The following STRN variants were observed in gnomAD, a reference collection of about 807,000 sequenced individuals.
The protein encoded by STRN is protein phosphatase 2 regulatory subunit B'''alpha.
A neutral mutation model predicts 96.3 loss-of-function variants in STRN; 53 were observed. The observed-to-expected ratio is 0.55, with a 90% CI of 0.44 to 0.69. The LOEUF is 0.69. Among genes scored for constraint, STRN ranks in the 30% least tolerant of loss-of-function variants. STRN has a pLI of 0.00. For missense variants in STRN, 987 were observed against 963.9 expected (o/e 1.02, Z -0.32); for synonymous variants, 428 against 355.9 (o/e 1.20, Z -2.28).
intron 1 of STRN, among the ~76,000 whole-genome samples, chr2:36,963,203 A>T (rs1194181588): frequency 2.0e-5 from 3 of 152,242 alleles, no homozygotes; most frequent in Non-Finnish European, 1.5e-5. Flanking sequence ...GGGAGGAAGC[A>T]GTAAAGGCAG....
At chr2:36,874,217 TCGCGC>T (rs1281570505) in intron 10 of STRN, among the ~76,000 whole-genome samples, 14 of 148,784 alleles carry the variant, frequency 9.4e-5, no homozygotes, top group Non-Finnish European at 2.1e-4. Flanking sequence ...TCAGCTAAGA[TCGCGC>T]CACTGCACTA....
intron 1 of STRN, among the ~76,000 whole-genome samples, chr2:36,957,782 T>G (rs1664932057): frequency 8.3e-6 from 1 of 120,574 alleles, no homozygotes; most frequent in African/African-American, 3.1e-5. Context: ...TGAGGTGGAG[T>G]CTCTGTTGCC....
At position 36,902,636 on chromosome 2, in the gene STRN, C is replaced by A. The variant is rs761231604; in HGVS notation, c.607G>T (p.Asp203Tyr). The A allele has an allele frequency of 4.3e-6, 7 of 1,611,974 alleles. No individual in the cohort carries two copies. The Admixed American group carries it at 1.0e-4, about 23-fold the overall frequency. ...GCCTCTGTGCCATTTACAACTGAGT[C>A]CTGATTTTTGTCATCTTCCCTGTCC... ...VTDREDDKNQ[D>Y]SVVNGTEAEV... Residue 203 changes from aspartate (D) to tyrosine (Y), a missense_variant, in exon 5 of 18, where the codon GAC becomes TAC. Physicochemically the swap from Asp to Tyr is radical, Grantham distance 160. Coordinates refer to ENST00000263918, the MANE Select transcript of STRN (RefSeq NM_003162.4).
chr2:36,924,624 T>C (rs1185369778), intron 2 of STRN, among the ~76,000 whole-genome samples: 1 of 152,220 alleles, frequency 6.6e-6, no homozygotes, highest in Non-Finnish European at 1.5e-5. Flanking sequence ...TTTTTGATCA[T>C]TATTAAACTA....
intron 1 of STRN, among the ~76,000 whole-genome samples, chr2:36,955,911 C>G (rs564097275): frequency 1.3e-5 from 2 of 152,220 alleles, no homozygotes; most frequent in African/African-American, 4.8e-5. Context: ...CCTATACACA[C>G]AGTTTAAACG....
intron 6 of STRN, among the ~76,000 whole-genome samples, chr2:36,897,804 C>G (rs1387130408): frequency 6.6e-6 from 1 of 152,078 alleles, no homozygotes; most frequent in African/African-American, 2.4e-5. Flanking sequence ...TTCCTGGGCT[C>G]AAGCGATCCT....
intron 1 of STRN, among the ~76,000 whole-genome samples, chr2:36,945,294 C>T (rs148861376): frequency 2.0e-5 from 3 of 152,206 alleles, no homozygotes; most frequent in South Asian, 2.1e-4. Flanking sequence ...GCAGACCAAG[C>T]GATGTCTAAC....
At chr2:36,910,903 C>A (rs7573966) in intron 3 of STRN, among the ~76,000 whole-genome samples, 84,452 of 151,722 alleles carry the variant, frequency 0.56, 24,299 homozygotes, top group African/African-American at 0.69. Context: ...TACTCTCCTA[C>A]AGTAGAAATA....
chr2:36,849,651 G>A (rs748120789), intron 17 of STRN, 26 bp from the exon 18 acceptor site: 3 of 1,612,056 alleles, frequency 1.9e-6, no homozygotes. Flanking sequence ...AAATTAAAAG[G>A]AAAAATTACA....
intron 16 of STRN, 57 bp downstream of exon 16, chr2:36,850,943 G>C: frequency 7.6e-7 from 1 of 1,318,202 alleles, no homozygotes; most frequent in Non-Finnish European, 1.0e-6. Flanking sequence ...TAGCCTACTT[G>C]TGGTAGGGAT....
intron 1 of STRN, among the ~76,000 whole-genome samples, chr2:36,946,918 C>T (rs1294918543): frequency 1.3e-5 from 2 of 150,426 alleles, no homozygotes; most frequent in African/African-American, 4.9e-5. Context: ...TTTTTTGAGA[C>T]GGATTCTAGC....
intron 11 of STRN, among the ~76,000 whole-genome samples, chr2:36,868,951 C>A (rs1386492022): frequency 2.6e-5 from 4 of 151,112 alleles, no homozygotes; most frequent in African/African-American, 9.7e-5. Context: ...CCAGATTTAG[C>A]TTTGTGACTT....
intron 3 of STRN, among the ~76,000 whole-genome samples, chr2:36,912,621 G>A (rs1247840573): frequency 1.3e-5 from 2 of 151,942 alleles, no homozygotes; most frequent in Admixed American, 6.6e-5. Context: ...TCCATTTTTT[G>A]TAATCTTACC....
chr2:36,853,886 C>G (rs370492627), intron 15 of STRN, among the ~76,000 whole-genome samples: 10 of 152,124 alleles, frequency 6.6e-5, no homozygotes, highest in African/African-American at 2.2e-4. Context: ...TAGAAAATGT[C>G]AGGACATATT....
intron 9 of STRN, among the ~76,000 whole-genome samples, chr2:36,880,028 G>T (rs1169980065): frequency 6.6e-6 from 1 of 151,854 alleles, no homozygotes; most frequent in Non-Finnish European, 1.5e-5. Flanking sequence ...GTGCAGTGGT[G>T]TGATCTCAGC....
intron 13 of STRN, 145 bp from the exon 14 acceptor site, chr2:36,858,168 T>C (rs1668397312): frequency 3.7e-6 from 2 of 547,168 alleles, no homozygotes; most frequent in African/African-American, 3.9e-5. Context: ...TCTGACAGGC[T>C]ACAGTAAATC....
At chr2:36,956,175 C>T (rs1030754951) in intron 1 of STRN, among the ~76,000 whole-genome samples, 1 of 152,200 alleles carries the variant, frequency 6.6e-6, no homozygotes, top group Non-Finnish European at 1.5e-5. Flanking sequence ...TGGTTCTTGG[C>T]TTCTACAATA....
chr2:36,915,001 T>C (rs1670052914), intron 3 of STRN, among the ~76,000 whole-genome samples: 1 of 151,476 alleles, frequency 6.6e-6, no homozygotes, highest in African/African-American at 2.4e-5. Flanking sequence ...ATCGAGACCA[T>C]CCTGGCTAAC....
chr2:36,941,336 G>A (rs1212782677), intron 1 of STRN, among the ~76,000 whole-genome samples: 4 of 152,044 alleles, frequency 2.6e-5, no homozygotes, highest in Non-Finnish European at 5.9e-5. Context: ...TGGTCATTGC[G>A]CCTTGGAAAA....
Sources: gnomAD v4.1 joint callset for allele counts (sites outside exome capture counted in the v4.1 genomes callset) on GRCh38, gnomAD v4.1.1 for gene constraint, MANE v1.5 for transcripts, NCBI Gene and HGNC (gene_info 2026-07-23, HGNC 2026-07-21) for gene names.